L3MBTL4: variants seen among roughly 807,000 people sequenced by gnomAD.
L3MBTL4 encodes the protein lethal(3)malignant brain tumor-like protein 4.
In L3MBTL4, 70 loss-of-function variants were observed where a neutral mutation model predicts 84.5. The ratio of observed to expected loss-of-function variants is 0.83; its 90% CI spans 0.68 to 1.01. L3MBTL4 has a LOEUF of 1.01. Among genes scored for constraint, L3MBTL4 ranks in the 50% least tolerant of loss-of-function variants. The probability of loss-of-function intolerance (pLI) is 0.00; values close to 1 mark genes in which losing one functional copy is unlikely to be tolerated. For missense variants in L3MBTL4, 715 were observed against 754.8 expected, an observed-to-expected ratio of 0.95 and a Z score of 0.62; for synonymous variants, 274 against 259.8, an observed-to-expected ratio of 1.05 and a Z score of -0.52.
chr18:5,978,400 CA>C (rs2053054222), intron 16 of L3MBTL4, among the ~76,000 whole-genome samples: 1 of 152,142 alleles, frequency 6.6e-6, no homozygotes. Flanking sequence ...TTATCTGCTT[CA>C]CACAGCTTGA....
Position 6,334,366 on chromosome 18 carries a change from G to T in L3MBTL4, c.-90-22310C>A, listed in dbSNP as rs187124865. Among the ~76,000 whole-genome samples the T allele has an allele frequency of 2.1e-3, 318 of 152,226 alleles. 1 individual carries two copies. The highest frequency in any genetic ancestry group is 5.8e-3 in the African/African-American group (239 of 41,550). On this transcript the variant is annotated intron_variant, in intron 1 of 18. Transcript: ENST00000317931. ...ACATTAACACCCCTAAGGGCACAAA[G>T]GGTGATACTCTACAGGAAAACACAG...
chr18:6,010,755 A>G (rs976839644), intron 16 of L3MBTL4, among the ~76,000 whole-genome samples: 1 of 152,200 alleles, frequency 6.6e-6, no homozygotes, highest in Non-Finnish European at 1.5e-5. Flanking sequence ...GCAAAATGGA[A>G]GTAAAATAAA....
At chr18:5,976,501 T>C (rs1419931962) in intron 16 of L3MBTL4, among the ~76,000 whole-genome samples, 1 of 152,010 alleles carries the variant, frequency 6.6e-6, no homozygotes, top group Non-Finnish European at 1.5e-5. Flanking sequence ...AACATGACTC[T>C]TGTGGAGTAA....
chr18:6,401,349 T>A (rs1294887870), intron 1 of L3MBTL4, among the ~76,000 whole-genome samples: 1 of 152,186 alleles, frequency 6.6e-6, no homozygotes, highest in East Asian at 1.9e-4. Context: ...AGACTCTGAA[T>A]TTTGACTAGA....
intron 1 of L3MBTL4, among the ~76,000 whole-genome samples, chr18:6,332,983 C>G (rs1241466805): frequency 6.6e-6 from 1 of 152,186 alleles, no homozygotes; most frequent in Admixed American, 6.5e-5. Context: ...TACTCTAACT[C>G]ATTAACTATA....
intron 5 of L3MBTL4, among the ~76,000 whole-genome samples, chr18:6,261,939 C>T (rs2048420385): frequency 6.6e-6 from 1 of 152,164 alleles, no homozygotes; most frequent in African/African-American, 2.4e-5. Flanking sequence ...CCCTTAACAC[C>T]CAAACATCTG....
intron 10 of L3MBTL4, among the ~76,000 whole-genome samples, chr18:6,236,452 T>G (rs2047218252): frequency 6.6e-6 from 1 of 152,226 alleles, no homozygotes; most frequent in Admixed American, 6.5e-5. Flanking sequence ...AGAATTTTTC[T>G]AGGCTCACAC....
chr18:5,961,336 G>A (rs1488993796), intron 17 of L3MBTL4, among the ~76,000 whole-genome samples: 4 of 152,194 alleles, frequency 2.6e-5, no homozygotes, highest in African/African-American at 9.6e-5. Flanking sequence ...GCTGATCCCA[G>A]GTGACAGAGC....
intron 13 of L3MBTL4, among the ~76,000 whole-genome samples, chr18:6,146,451 G>A (rs1032992658): frequency 6.6e-6 from 1 of 152,130 alleles, no homozygotes; most frequent in African/African-American, 2.4e-5. Context: ...TAGAGGAAGC[G>A]CTACGAGGAA....
In L3MBTL4 at chr18:5,988,235, G is replaced by A. The variant is rs146511365; in HGVS notation, c.1445-18673C>T. On this transcript the variant is annotated intron_variant, in intron 16 of 18. Transcript: ENST00000317931. ...TTACCCTCTAAAGTCATTCTTAGAT[G>A]AATACTTCTATGTCATACACAGCTA... 8.8e-4 allele frequency among the ~76,000 whole-genome samples: 134 copies of A among 152,252 alleles called. No homozygotes were observed. In the East Asian group the frequency reaches 0.025, roughly 29 times the overall value.
At chr18:6,135,452 C>T (rs1000571597) in intron 14 of L3MBTL4, among the ~76,000 whole-genome samples, 6 of 152,154 alleles carry the variant, frequency 3.9e-5, no homozygotes, top group African/African-American at 1.4e-4. Flanking sequence ...AACTTTTATG[C>T]TCTGTTTTCC....
intron 4 of L3MBTL4, among the ~76,000 whole-genome samples, chr18:6,265,384 C>T (rs74786104): frequency 2.0e-5 from 3 of 152,094 alleles, no homozygotes; most frequent in African/African-American, 7.2e-5. Context: ...CCCAGTACTT[C>T]TTCTCTAGGA....
intron 10 of L3MBTL4, among the ~76,000 whole-genome samples, chr18:6,218,199 C>A (rs114208493): frequency 6.6e-6 from 1 of 152,212 alleles, no homozygotes; most frequent in Non-Finnish European, 1.5e-5. Context: ...GGACTGCAGC[C>A]TCAAACTCCT....
intron 16 of L3MBTL4, among the ~76,000 whole-genome samples, chr18:6,078,358 T>A (rs1251871460): frequency 8.1e-6 from 1 of 123,466 alleles, no homozygotes; most frequent in African/African-American, 3.2e-5. Context: ...ACCCAGGAAG[T>A]GGAGATTGCA....
At chr18:6,257,718 C>G (rs1450873995) in intron 5 of L3MBTL4, among the ~76,000 whole-genome samples, 1 of 147,606 alleles carries the variant, frequency 6.8e-6, no homozygotes, top group Non-Finnish European at 1.5e-5. Context: ...GCAATCTTGG[C>G]TCACCGCAAC....
At chr18:6,212,194 T>G (rs1428312843) in intron 12 of L3MBTL4, among the ~76,000 whole-genome samples, 2 of 152,238 alleles carry the variant, frequency 1.3e-5, no homozygotes, top group Non-Finnish European at 2.9e-5. Context: ...AGAAGAATAA[T>G]GGACATTGCC....
chr18:6,402,486 C>T (rs1400585117), intron 1 of L3MBTL4, among the ~76,000 whole-genome samples: 1 of 152,134 alleles, frequency 6.6e-6, no homozygotes, highest in Non-Finnish European at 1.5e-5. Context: ...TAAGTGGTCA[C>T]TCAATTGCAC....
intron 16 of L3MBTL4, among the ~76,000 whole-genome samples, chr18:6,072,257 G>A (rs1477611056): frequency 1.3e-5 from 2 of 152,038 alleles, no homozygotes; most frequent in Non-Finnish European, 2.9e-5. Context: ...AGGAAGAAAT[G>A]TATCAGTAAA....
chr18:6,268,427 G>A (rs1408389106), intron 4 of L3MBTL4, among the ~76,000 whole-genome samples: 1 of 152,082 alleles, frequency 6.6e-6, no homozygotes, highest in African/African-American at 2.4e-5. Context: ...ATTGTTTAAT[G>A]AATTAAAGGA....
Sources: allele counts gnomAD v4.1 joint callset (sites outside exome capture counted in the v4.1 genomes callset), GRCh38; gene constraint gnomAD v4.1.1; transcripts MANE v1.5; gene names NCBI Gene and HGNC (gene_info 2026-07-23, HGNC 2026-07-21).